Variants in STX8 observed in about 807,000 individuals in gnomAD.
STX8 encodes the protein syntaxin-8.
Under a neutral mutation model 37.5 loss-of-function variants are expected in STX8, and 23 were observed. The observed-to-expected ratio is 0.61, with a 90% confidence interval of 0.44 to 0.87. The LOEUF (loss-of-function observed/expected upper bound fraction) is 0.87, where lower values mean the gene tolerates loss of function less well. STX8 is among the 40% of genes least tolerant of loss of function. The probability of loss-of-function intolerance (pLI) is 0.00; values close to 1 mark genes in which losing one functional copy is unlikely to be tolerated. For synonymous variants in STX8, 115 were observed against 99.1 expected (o/e 1.16, Z -0.95); for missense variants, 313 against 284.7 (o/e 1.10, Z -0.71).
At chr17:9,387,275 T>C (rs1374128508) in intron 6 of STX8, among the ~76,000 whole-genome samples, 21 of 151,962 alleles carry the variant, frequency 1.4e-4, no homozygotes, top group Admixed American at 1.4e-3. Flanking sequence ...AGTTTATATA[T>C]AGTAGCATAT....
chr17:9,574,000 GTGGCTCACACC>G (rs922707174), intron 1 of STX8, among the ~76,000 whole-genome samples: 1 of 152,108 alleles, frequency 6.6e-6, no homozygotes, highest in African/African-American at 2.4e-5. Context: ...GCCAGGTGCG[GTGGCTCACACC>G]TGTAATCCCA....
At chr17:9,368,026 C>T (rs892038975) in intron 7 of STX8, among the ~76,000 whole-genome samples, 15 of 152,150 alleles carry the variant, frequency 9.9e-5, no homozygotes, top group Non-Finnish European at 1.8e-4. Flanking sequence ...GCCACCATGC[C>T]CAGCCAAAAG....
chr17:9,445,305 T>G (rs930557970), intron 6 of STX8, among the ~76,000 whole-genome samples: 2 of 151,754 alleles, frequency 1.3e-5, no homozygotes, highest in Non-Finnish European at 2.9e-5. Flanking sequence ...CTTTTTTCCT[T>G]TTCCCACTGC....
At chr17:9,453,387 A>G (rs907545090) in intron 6 of STX8, among the ~76,000 whole-genome samples, 1 of 151,846 alleles carries the variant, frequency 6.6e-6, no homozygotes, top group African/African-American at 2.4e-5. Flanking sequence ...TGTGGGACAG[A>G]TGGTGAAGGA....
chr17:9,379,392 T>G (rs1276366071), intron 6 of STX8, among the ~76,000 whole-genome samples: 5 of 152,110 alleles, frequency 3.3e-5, no homozygotes, highest in Admixed American at 6.5e-5. Context: ...ATTTAAATAC[T>G]GGACTAAGAG....
At chr17:9,481,172 C>T (rs1021965490) in intron 6 of STX8, among the ~76,000 whole-genome samples, 4 of 152,078 alleles carry the variant, frequency 2.6e-5, no homozygotes, top group Non-Finnish European at 5.9e-5. Flanking sequence ...CGTGAACCAC[C>T]GTGCCCGGCC....
chr17:9,314,381 ATT>A (rs1222647421), intron 7 of STX8, among the ~76,000 whole-genome samples: 1 of 151,930 alleles, frequency 6.6e-6, no homozygotes, highest in Non-Finnish European at 1.5e-5. Context: ...GGGAATATAT[ATT>A]TTATATCTGT....
At chr17:9,439,682 G>C (rs1904570684) in intron 6 of STX8, among the ~76,000 whole-genome samples, 1 of 151,998 alleles carries the variant, frequency 6.6e-6, no homozygotes. Flanking sequence ...TTTTAGTAGA[G>C]ATGGGGTTTC....
chr17:9,535,767 T>C (rs907595628), intron 4 of STX8, among the ~76,000 whole-genome samples: 1 of 152,144 alleles, frequency 6.6e-6, no homozygotes, highest in Admixed American at 6.5e-5. Flanking sequence ...CACCTAGAGA[T>C]ATACTTTCAC....
chr17:9,308,592 G>A (rs901418592), intron 7 of STX8, among the ~76,000 whole-genome samples: 1 of 151,966 alleles, frequency 6.6e-6, no homozygotes. Context: ...GCATGGTGGC[G>A]TACGCCTGTA....
chr17:9,449,667 C>A (rs1567565952), intron 6 of STX8, among the ~76,000 whole-genome samples: 1 of 152,068 alleles, frequency 6.6e-6, no homozygotes, highest in Non-Finnish European at 1.5e-5. Context: ...GTGAATAAAT[C>A]TTAAATGCAT....
chr17:9,404,711 C>T (rs139871323), intron 6 of STX8, among the ~76,000 whole-genome samples: 47 of 152,290 alleles, frequency 3.1e-4, no homozygotes, highest in African/African-American at 9.9e-4. Context: ...CCTTGGCCTC[C>T]CAAAGTGCTG....
intron 6 of STX8, among the ~76,000 whole-genome samples, chr17:9,424,248 T>C (rs1913545065): frequency 6.6e-6 from 1 of 152,060 alleles, no homozygotes; most frequent in Non-Finnish European, 1.5e-5. Context: ...CCAGGCATTT[T>C]TGCATCCGCC....
chr17:9,526,762 C>T (rs182365508), intron 4 of STX8, among the ~76,000 whole-genome samples: 3 of 151,876 alleles, frequency 2.0e-5, no homozygotes, highest in Non-Finnish European at 4.4e-5. Context: ...CCCAGCTACT[C>T]GGGAGGCTGA....
At chr17:9,359,510 T>A (rs1250131237) in intron 7 of STX8, among the ~76,000 whole-genome samples, 6 of 147,400 alleles carry the variant, frequency 4.1e-5, no homozygotes, top group African/African-American at 1.3e-4. Flanking sequence ...CATATTTTTT[T>A]TTTTTTTTTT....
intron 7 of STX8, among the ~76,000 whole-genome samples, chr17:9,284,202 T>C (rs1907992907): frequency 6.6e-6 from 1 of 152,218 alleles, no homozygotes; most frequent in African/African-American, 2.4e-5. Flanking sequence ...TGAAATTTCC[T>C]CAGCAGGATA....
chr17:9,567,878 G>A (rs1430249741), intron 2 of STX8, among the ~76,000 whole-genome samples: 1 of 152,080 alleles, frequency 6.6e-6, no homozygotes, highest in Non-Finnish European at 1.5e-5. Flanking sequence ...TAGAGATGGG[G>A]TTTCCCCATG....
chr17:9,325,363 G>C (rs1209659199), intron 7 of STX8, among the ~76,000 whole-genome samples: 1 of 152,058 alleles, frequency 6.6e-6, no homozygotes, highest in Non-Finnish European at 1.5e-5. Context: ...GGGCTTATAA[G>C]GTATGTATAG....
intron 2 of STX8, among the ~76,000 whole-genome samples, chr17:9,557,978 A>T (rs1191261385): frequency 6.6e-6 from 1 of 152,176 alleles, no homozygotes; most frequent in Admixed American, 6.5e-5. Context: ...TACCATCCCC[A>T]CCAGGCTCTC....
Sources: gnomAD v4.1 joint callset for allele counts (sites outside exome capture counted in the v4.1 genomes callset) on GRCh38, gnomAD v4.1.1 for gene constraint, MANE v1.5 for transcripts, NCBI Gene and HGNC (gene_info 2026-07-23, HGNC 2026-07-21) for gene names.